The following CNOT1 variants were observed in gnomAD, a reference collection of about 807,000 sequenced individuals.
CNOT1 encodes the protein CCR4-NOT transcription complex subunit 1.
A neutral mutation model predicts 273.8 loss-of-function variants in CNOT1; 15 were observed. That is an observed-to-expected ratio of 0.05 (90% CI 0.04 to 0.08). CNOT1 has a LOEUF of 0.08. Ranked by LOEUF, CNOT1 falls within the 10% of genes least tolerant of loss-of-function variation. The pLI, the probability that CNOT1 is intolerant of heterozygous loss-of-function variation, is 1.00. For synonymous variants in CNOT1, 1,022 were observed against 1,005.5 expected, an observed-to-expected ratio of 1.02 and a Z score of -0.31; for missense variants, 1,644 against 2,912.2, an observed-to-expected ratio of 0.56 and a Z score of 10.02.
chr16:58,584,141 C>A (rs1199045785), intron 8 of CNOT1, among the ~76,000 whole-genome samples: 2 of 147,078 alleles, frequency 1.4e-5, no homozygotes, highest in Admixed American at 6.8e-5. Flanking sequence ...GCACTCCAGC[C>A]TGGGCAACAG....
Position 58,520,428 on chromosome 16 carries a change from C to T in CNOT1, c.*530G>A, listed in dbSNP as rs139945498. 131 of 155,342 alleles carry T rather than the reference C, an allele frequency of 8.4e-4. No homozygotes were observed. The highest frequency in any genetic ancestry group is 1.6e-3 in the South Asian group (8 of 5,024). The allele number at this position is 155,342 out of a possible 1,614,324, so 9.6% of individuals were successfully genotyped here. ...TGGGATTCCAATAGTGAGCCCTTCC[C>T]ATGTTCCTGGACATATCCAATTCTA... On this transcript the variant is annotated 3_prime_UTR_variant, in exon 49 of 49. Coordinates refer to ENST00000317147, the MANE Select transcript of CNOT1 (RefSeq NM_016284.5).
intron 2 of CNOT1, among the ~76,000 whole-genome samples, chr16:58,590,176 C>T (rs1225936536): frequency 6.6e-6 from 1 of 152,166 alleles, no homozygotes; most frequent in African/African-American, 2.4e-5. Context: ...ACTGAGCTTT[C>T]CTGGCTTAAT....
intron 1 of CNOT1, among the ~76,000 whole-genome samples, chr16:58,620,994 C>G (rs2043288959): frequency 6.7e-6 from 1 of 149,582 alleles, no homozygotes; most frequent in Non-Finnish European, 1.5e-5. Flanking sequence ...AAGACAAGAG[C>G]CTGAAACTAG....
intron 16 of CNOT1, 33 bp from the exon 17 acceptor site, chr16:58,560,395 G>C: frequency 1.9e-6 from 3 of 1,606,722 alleles, no homozygotes; most frequent in East Asian, 2.2e-5. Flanking sequence ...AAAAATATCA[G>C]TTCCTATTCT....
At chr16:58,574,886 G>C (rs887541430) in intron 15 of CNOT1, 121 bp downstream of exon 15, 3 of 1,558,812 alleles carry the variant, frequency 1.9e-6, no homozygotes, top group African/African-American at 1.4e-5. Context: ...ATTTAAAAAA[G>C]TTGTTTCTTT....
In CNOT1 at chr16:58,539,846, A is replaced by G; in HGVS notation, c.4914T>C (p.Ala1638=). The G allele has an allele frequency of 6.2e-7, 1 of 1,614,176 alleles. No individual in the cohort carries two copies. The highest frequency in any genetic ancestry group is 8.5e-7 in the Non-Finnish European group (1 of 1,180,030). Reference sequence around the variant, plus strand: ...CTACAACCTCCAAGAGACTTCGAAGAGCCTGAGCTTGAGGGTTCATGGCCA... The same window carrying G: ...CTACAACCTCCAAGAGACTTCGAAGGGCCTGAGCTTGAGGGTTCATGGCCA... The part of the protein sequence containing the change: ...PTLAMNPQAQ[A]LRSLLEVVVL... Residue 1638 remains alanine, a synonymous_variant, in exon 35 of 49, where the codon GCT becomes GCC. Transcript: ENST00000317147.
In CNOT1 at chr16:58,521,462, T is replaced by C. The variant is rs903929420; in HGVS notation, c.6918-145A>G. On this transcript the variant is annotated intron_variant, in intron 47 of 48. Transcript: ENST00000317147. ...TTTAGTAAAGACAGGTGGATTAATA[T>C]ACTCCAAATAGCACAGGTTGGAATA... The C allele has an allele frequency of 2.2e-5, 16 of 743,016 alleles. No homozygotes were observed. The Admixed American group carries it at 2.6e-4, about 12-fold the overall frequency. 46.0% of individuals were successfully genotyped at this position (743,016 alleles called of 1,614,324 possible).
chr16:58,541,470 A>T, intron 34 of CNOT1, 31 bp downstream of exon 34: 1 of 1,595,940 alleles, frequency 6.3e-7, no homozygotes, highest in South Asian at 1.1e-5. Context: ...TTAATTGGCA[A>T]AACACTCAAT....
intron 1 of CNOT1, among the ~76,000 whole-genome samples, chr16:58,618,526 C>T (rs1426440592): frequency 4.0e-5 from 6 of 151,782 alleles, no homozygotes; most frequent in African/African-American, 4.8e-5. Context: ...GATGTTGCAG[C>T]GAGCTAAGAT....
Position 58,532,383 on chromosome 16 carries a change from C to G in CNOT1, c.5908G>C (p.Val1970Leu). ...INLLNKVLGIVVGVLLQDHDV... is the reference protein window; with the variant it reads ...INLLNKVLGILVGVLLQDHDV... ...TGATCCTGAAGGAGAACTCCCACTA[C>G]TATACCAAGGACCTACGTAAAACAC... Residue 1970 changes from valine to leucine, a missense_variant, in exon 41 of 49, where the codon GTA (valine) becomes CTA (leucine). Coordinates refer to ENST00000317147, the MANE Select transcript of CNOT1 (RefSeq NM_016284.5). 6.2e-7 allele frequency: 1 copy of G among 1,614,002 alleles called. No homozygotes were observed. Among genetic ancestry groups the G allele is most frequent in the Non-Finnish European group, 8.5e-7 (1 of 1,179,878 alleles).
intron 1 of CNOT1, among the ~76,000 whole-genome samples, chr16:58,621,388 C>T (rs553309673): frequency 6.6e-6 from 1 of 152,184 alleles, no homozygotes; most frequent in East Asian, 2.0e-4. Flanking sequence ...ATTCTCCTGC[C>T]TCAGCCTCCC....
intron 16 of CNOT1, 124 bp from the exon 17 acceptor site, chr16:58,560,486 G>A: frequency 7.0e-7 from 1 of 1,435,394 alleles, no homozygotes; most frequent in South Asian, 1.5e-5. Context: ...AGACTGGAGT[G>A]CAGTAGCACG....
chr16:58,580,769 A>C lies in CNOT1; in HGVS notation c.1216-9T>G, dbSNP rs1229522822. 1 of 1,604,284 alleles carries C rather than the reference A, an allele frequency of 6.2e-7. No homozygotes were observed. Among genetic ancestry groups the C allele is most frequent in the Admixed American group, 1.7e-5 (1 of 58,178 alleles). ...TGTTGAATGAAGGAGAGCTGCAATG[A>C]AAGAAAATGCTTACCACCATAAATG... On this transcript the variant is annotated splice_polypyrimidine_tract_variant and intron_variant, in intron 11 of 48. Transcript: ENST00000317147.
intron 1 of CNOT1, among the ~76,000 whole-genome samples, chr16:58,625,054 C>T (rs1020423078): frequency 2.0e-5 from 3 of 151,686 alleles, no homozygotes; most frequent in Non-Finnish European, 4.4e-5. Flanking sequence ...TCCAGACCAG[C>T]CTGGGAAACA....
intron 1 of CNOT1, among the ~76,000 whole-genome samples, chr16:58,606,380 C>T (rs964203018): frequency 1.1e-5 from 1 of 87,806 alleles, no homozygotes; most frequent in East Asian, 2.7e-4. Flanking sequence ...TACAGTGAGA[C>T]CCCGTCCCTT....
intron 44 of CNOT1, chr16:58,528,059 G>A (rs1427391172): frequency 4.6e-6 from 2 of 432,636 alleles, no homozygotes; most frequent in South Asian, 3.3e-5. Context: ...GTTGCAGTAA[G>A]CCGAGACTGC....
chr16:58,571,398 G>A, intron 16 of CNOT1, among the ~76,000 whole-genome samples: 1 of 151,428 alleles, frequency 6.6e-6, no homozygotes, highest in Non-Finnish European at 1.5e-5. Context: ...TGTACTAAAA[G>A]TACAAAAAAA....
At position 58,555,264 on chromosome 16, in the gene CNOT1, T is replaced by C; in HGVS notation, c.2878A>G (p.Arg960Gly). The change falls in exon 21 of 49, where the codon AGA (arginine) becomes GGA (glycine). Residue 960 changes from arginine to glycine, a missense_variant. By Grantham distance (125) the Arg-to-Gly change is moderately radical. Transcript: ENST00000317147. ...MYYFGIAALD[R>G]FKNRLKDYPQ... ...CTATCCACTTACCTGTTTTTAAATC[T>C]ATCTAGTGCAGCAATCCCGAAATAA... The C allele has an allele frequency of 6.2e-7, 1 of 1,614,008 alleles. No individual in the cohort carries two copies. Among genetic ancestry groups the C allele is most frequent in the African/African-American group, 1.3e-5 (1 of 75,022 alleles).
intron 35 of CNOT1, among the ~76,000 whole-genome samples, chr16:58,539,208 G>C (rs2040001903): frequency 6.6e-6 from 1 of 151,996 alleles, no homozygotes; most frequent in South Asian, 2.1e-4. Context: ...AAAATCTAAA[G>C]GGCAGCTGGG....
Sources: gnomAD v4.1 joint callset for allele counts (sites outside exome capture counted in the v4.1 genomes callset) on GRCh38, gnomAD v4.1.1 for gene constraint, MANE v1.5 for transcripts, NCBI Gene and HGNC (gene_info 2026-07-23, HGNC 2026-07-21) for gene names.